Variants in PCCA observed in about 807,000 individuals in gnomAD.
PCCA encodes the protein propionyl-CoA carboxylase alpha chain, mitochondrial.
A neutral mutation model predicts 101.3 loss-of-function variants in PCCA; 74 were observed. The observed-to-expected ratio is 0.73, with a 90% CI of 0.61 to 0.89. PCCA has a LOEUF of 0.89. PCCA is among the 40% of genes least tolerant of loss of function. PCCA has a pLI of 0.00. For synonymous variants in PCCA, 294 were observed against 313.6 expected (o/e 0.94, Z 0.66); for missense variants, 891 against 907.0 (o/e 0.98, Z 0.23).
At chr13:100,168,040 C>G (rs539165721) in intron 6 of PCCA, among the ~76,000 whole-genome samples, 1 of 152,208 alleles carries the variant, frequency 6.6e-6, no homozygotes, top group Non-Finnish European at 1.5e-5. Flanking sequence ...TCACCACTGA[C>G]CCCCTCTTTT....
chr13:100,203,676 G>GT (rs1351938106), intron 6 of PCCA, among the ~76,000 whole-genome samples: 4 of 152,062 alleles, frequency 2.6e-5, no homozygotes, highest in Non-Finnish European at 5.9e-5. Flanking sequence ...GTGAGACTTC[G>GT]TATCAAGACA....
intron 21 of PCCA, among the ~76,000 whole-genome samples, chr13:100,506,025 T>C (rs999370223): frequency 3.3e-5 from 5 of 152,168 alleles, no homozygotes; most frequent in Non-Finnish European, 7.3e-5. Flanking sequence ...TCAAGACCTG[T>C]ATTAGCTTGA....
chr13:100,109,760 T>C (rs1346642710), intron 2 of PCCA, among the ~76,000 whole-genome samples: 1 of 152,170 alleles, frequency 6.6e-6, no homozygotes, highest in Non-Finnish European at 1.5e-5. Context: ...AGTTAAGACA[T>C]ATATGATGTA....
chr13:100,155,998 A>C (rs1402689347), intron 5 of PCCA, among the ~76,000 whole-genome samples: 1 of 152,248 alleles, frequency 6.6e-6, no homozygotes, highest in Non-Finnish European at 1.5e-5. Context: ...GGTGGAATGA[A>C]AACTCTTCTT....
intron 6 of PCCA, chr13:100,161,763 C>T (rs1235175811): frequency 6.6e-6 from 1 of 151,976 alleles, no homozygotes; most frequent in Non-Finnish European, 1.5e-5. Context: ...ATCTGCATAG[C>T]TCATGGAAAT....
At chr13:100,456,881 A>G (rs996587354) in intron 21 of PCCA, among the ~76,000 whole-genome samples, 2 of 152,112 alleles carry the variant, frequency 1.3e-5, no homozygotes, top group Admixed American at 1.3e-4. Flanking sequence ...AGACTGGGAT[A>G]ATATCCAGCC....
intron 19 of PCCA, among the ~76,000 whole-genome samples, chr13:100,422,114 CTTTCTTTT>C: frequency 9.5e-6 from 1 of 105,040 alleles, no homozygotes; most frequent in East Asian, 2.5e-4. Flanking sequence ...TTCTTTCTTT[CTTTCTTTT>C]CTTTCTTTCT....
intron 20 of PCCA, among the ~76,000 whole-genome samples, chr13:100,432,585 G>C (rs1385876663): frequency 1.3e-5 from 2 of 152,194 alleles, no homozygotes; most frequent in African/African-American, 4.8e-5. Context: ...ATGCTTTTCA[G>C]TCAGCAGTGG....
At chr13:100,265,675 T>C (rs1019982578) in intron 10 of PCCA, among the ~76,000 whole-genome samples, 2 of 152,128 alleles carry the variant, frequency 1.3e-5, no homozygotes, top group Admixed American at 6.6e-5. Context: ...CTGGGGAGAA[T>C]TGACATCTTA....
At chr13:100,437,167 T>C (rs2079994680) in intron 20 of PCCA, among the ~76,000 whole-genome samples, 1 of 152,228 alleles carries the variant, frequency 6.6e-6, no homozygotes, top group Non-Finnish European at 1.5e-5. Flanking sequence ...GTGCATGCCC[T>C]AGGCTTTCTC....
intron 4 of PCCA, among the ~76,000 whole-genome samples, chr13:100,132,440 A>C (rs2050640417): frequency 6.6e-6 from 1 of 151,814 alleles, no homozygotes; most frequent in Admixed American, 6.6e-5. Flanking sequence ...GGCTACTTTC[A>C]CTCAGAATAT....
intron 4 of PCCA, among the ~76,000 whole-genome samples, chr13:100,127,135 C>G (rs2050032291): frequency 6.6e-6 from 1 of 152,180 alleles, no homozygotes; most frequent in Non-Finnish European, 1.5e-5. Flanking sequence ...ATTTAGCAGT[C>G]AGGCAAAAAT....
chr13:100,212,269 C>A (rs1163207678), intron 7 of PCCA, among the ~76,000 whole-genome samples: 1 of 152,128 alleles, frequency 6.6e-6, no homozygotes, highest in Non-Finnish European at 1.5e-5. Flanking sequence ...CATGTTCATC[C>A]CTTTACATAT....
At chr13:100,482,890 T>C (rs2084062085) in intron 21 of PCCA, among the ~76,000 whole-genome samples, 1 of 152,212 alleles carries the variant, frequency 6.6e-6, no homozygotes, top group Non-Finnish European at 1.5e-5. Flanking sequence ...CACAAGTTGA[T>C]TTTGCCTTAC....
intron 20 of PCCA, among the ~76,000 whole-genome samples, chr13:100,442,152 C>T (rs1247237472): frequency 6.6e-6 from 1 of 152,054 alleles, no homozygotes; most frequent in Non-Finnish European, 1.5e-5. Flanking sequence ...TGCCACCATG[C>T]CCGGCCAATT....
intron 18 of PCCA, among the ~76,000 whole-genome samples, chr13:100,344,925 G>A (rs1178617286): frequency 1.3e-5 from 2 of 152,168 alleles, no homozygotes; most frequent in Admixed American, 6.5e-5. Flanking sequence ...TCTGGGATTA[G>A]TGACCTTTGA....
chr13:100,206,614 T>C (rs1002028416), intron 6 of PCCA, among the ~76,000 whole-genome samples: 4 of 152,092 alleles, frequency 2.6e-5, no homozygotes, highest in Admixed American at 2.6e-4. Flanking sequence ...AAACTAACAG[T>C]TGTGGCACTC....
chr13:100,157,339 T>C lies in PCCA; in HGVS notation c.467T>C (p.Leu156Ser). Residue 156 changes from leucine (L) to serine (S), a missense_variant and splice_region_variant, in exon 6 of 24, where the codon TTG becomes TCG. By Grantham distance (145) the Leu-to-Ser change is moderately radical. Transcript: ENST00000376285. Reference protein sequence around the residue: ...LSENKEFARCLAAEDVVFIGP... With the variant: ...LSENKEFARCSAAEDVVFIGP... ...GAAAACAAAGAATTTGCCAGATGTT[T>C]GGTAAGTTGGTAATGAACCAGAAAC... The C allele has an allele frequency of 2.5e-6, 4 of 1,599,254 alleles. No homozygotes were observed. The highest frequency in any genetic ancestry group is 3.4e-6 in the Non-Finnish European group (4 of 1,166,760).
intron 7 of PCCA, among the ~76,000 whole-genome samples, chr13:100,234,742 A>G (rs2060683994): frequency 6.6e-6 from 1 of 150,984 alleles, no homozygotes; most frequent in African/African-American, 2.4e-5. Flanking sequence ...TCTACATTTT[A>G]AACGTATTAG....
Sources: gnomAD v4.1 joint callset for allele counts (sites outside exome capture counted in the v4.1 genomes callset) on GRCh38, gnomAD v4.1.1 for gene constraint, MANE v1.5 for transcripts, NCBI Gene and HGNC (gene_info 2026-07-23, HGNC 2026-07-21) for gene names.